The following MELTF variants were observed in gnomAD, a reference collection of about 807,000 sequenced individuals.
MELTF encodes the protein melanotransferrin, also known as antigen p97 (melanoma associated) identified by monoclonal antibodies 133.2 and 96.5.
Under a neutral mutation model 83.7 loss-of-function variants are expected in MELTF, and 67 were observed. The observed-to-expected ratio is 0.80, with a 90% CI of 0.66 to 0.98. MELTF has a LOEUF of 0.98. MELTF is among the 50% of genes least tolerant of loss of function. The pLI is 0.00. For missense variants in MELTF, 1,002 were observed against 1,035.6 expected (o/e 0.97, Z 0.44); for synonymous variants, 462 against 447.6 (o/e 1.03, Z -0.41).
chr3:197,015,063 C>T (rs371529534), intron 9 of MELTF, among the ~76,000 whole-genome samples: 4 of 152,230 alleles, frequency 2.6e-5, no homozygotes, highest in South Asian at 2.1e-4. Context: ...GCTGGGCCAG[C>T]GCTTCTTCTG....
intron 11 of MELTF, 100 bp downstream of exon 11, chr3:197,009,518 G>T: frequency 1.6e-6 from 2 of 1,227,806 alleles, no homozygotes; most frequent in South Asian, 1.5e-5. Flanking sequence ...GCAGAAGCCT[G>T]GCCACCTTCC....
chr3:197,006,406 C>A lies in MELTF; in HGVS notation c.1938+143G>T. The A allele has an allele frequency of 1.4e-6, 1 of 695,580 alleles. No individual in the cohort carries two copies. The highest frequency in any genetic ancestry group is 3.2e-5 in the East Asian group (1 of 31,634). 43.1% of individuals were successfully genotyped at this position (695,580 alleles called of 1,614,324 possible). ...GAGGGGACAGTTTCTGGAGGGATGTCCTTGCGTAAGTGAAAATCACAGAAT... is the reference window on the plus strand; with the variant it reads ...GAGGGGACAGTTTCTGGAGGGATGTACTTGCGTAAGTGAAAATCACAGAAT... On this transcript the variant is annotated intron_variant, in intron 14 of 15. Coordinates refer to ENST00000296350, the MANE Select transcript of MELTF (RefSeq NM_005929.6). This position sits in a 1 kb window ranked among gnomAD's most constrained non-coding sequence, Gnocchi z 5.4.
Position 197,008,357 on chromosome 3 carries a change from T to G in MELTF, c.1750+300A>C, listed in dbSNP as rs997682147. 6.6e-6 allele frequency among the ~76,000 whole-genome samples: 1 copy of G among 152,126 alleles called. No individual in the cohort carries two copies. Among genetic ancestry groups the G allele is most frequent in the Non-Finnish European group, 1.5e-5 (1 of 68,028 alleles). On this transcript the variant is annotated intron_variant, in intron 13 of 15. Coordinates refer to ENST00000296350, the MANE Select transcript of MELTF (RefSeq NM_005929.6). The surrounding 1 kb of genome is among the most constrained non-coding windows in gnomAD (Gnocchi z 5.4). Reference sequence around the variant, plus strand: ...TCACACCTTGGCACTACATCAATACTCCCAGAAGGGGGTCTTTCCAGATTG... The same window carrying G: ...TCACACCTTGGCACTACATCAATACGCCCAGAAGGGGGTCTTTCCAGATTG...
intron 6 of MELTF, chr3:197,019,912 T>G: frequency 7.1e-7 from 1 of 1,400,534 alleles, no homozygotes; most frequent in Non-Finnish European, 9.4e-7. Flanking sequence ...AACGGTGTGT[T>G]TGCTGCTTGC....
chr3:197,016,078 G>A (rs1245200708), intron 8 of MELTF, 111 bp downstream of exon 8: 12 of 949,658 alleles, frequency 1.3e-5, no homozygotes, highest in Admixed American at 3.3e-5. Flanking sequence ...ACAGGTTCCC[G>A]CAGAGGCCTC....
At chr3:197,010,626 G>T in intron 10 of MELTF, 72 bp downstream of exon 10, 1 of 1,310,106 alleles carries the variant, frequency 7.6e-7, no homozygotes, top group Middle Eastern at 1.9e-4. Flanking sequence ...ATGGCTGAGG[G>T]GGGCACTCTT....
At position 197,029,375 on chromosome 3, in the gene MELTF, G is replaced by T; in HGVS notation, c.49+279C>A. The T allele has an allele frequency of 2.8e-6, 1 of 362,084 alleles. No individual in the cohort carries two copies. Among genetic ancestry groups the T allele is most frequent in the Non-Finnish European group, 4.9e-6 (1 of 202,896 alleles). The allele number at this position is 362,084 out of a possible 1,614,324, so 22.4% of individuals were successfully genotyped here. ...CTCCGGGAGCTCCTCTCCACACCCC[G>T]AGGCCTCCCCACCACGCCTCAGCCC... On this transcript the variant is annotated intron_variant, in intron 1 of 15. Coordinates refer to ENST00000296350, the MANE Select transcript of MELTF (RefSeq NM_005929.6). The surrounding 1 kb of genome is among the most constrained non-coding windows in gnomAD (Gnocchi z 6.5).
intron 5 of MELTF, 137 bp from the exon 6 acceptor site, chr3:197,021,608 C>G: frequency 1.3e-6 from 1 of 752,168 alleles, no homozygotes; most frequent in Middle Eastern, 2.3e-4. Flanking sequence ...TGGGTTCCAG[C>G]TCCCTGGCTG....
chr3:197,026,781 C>A, intron 2 of MELTF, 22 bp from the exon 3 acceptor site: 1 of 1,604,784 alleles, frequency 6.2e-7, no homozygotes, highest in Non-Finnish European at 8.5e-7. Flanking sequence ...TGTGGCTCAG[C>A]CAAGCCTGGC....
chr3:197,008,607 G>C lies in MELTF; in HGVS notation c.1750+50C>G. The C allele has an allele frequency of 6.3e-7, 1 of 1,575,896 alleles. No homozygotes were observed. Among genetic ancestry groups the C allele is most frequent in the Non-Finnish European group, 8.7e-7 (1 of 1,154,616 alleles). On this transcript the variant is annotated intron_variant, in intron 13 of 15. Transcript: ENST00000296350. This position sits in a 1 kb window ranked among gnomAD's most constrained non-coding sequence, Gnocchi z 5.4. Reference sequence around the variant, plus strand: ...TGGTGTCTGGATGGTGCTGAAGATGGGGAACAGTCCCCCCGACCTACCTTT... The same window carrying C: ...TGGTGTCTGGATGGTGCTGAAGATGCGGAACAGTCCCCCCGACCTACCTTT...
chr3:197,015,519 G>T lies in MELTF; in HGVS notation c.1082-3C>A. On this transcript the variant is annotated splice_region_variant and splice_polypyrimidine_tract_variant and intron_variant, in intron 8 of 15. Transcript: ENST00000296350. ...CCAGCGCAGGTAGGGGGGCAGCCCT[G>T]GGGTGGGGCAAGCAAGCGGTCACTG... 6.2e-7 allele frequency: 1 copy of T among 1,608,404 alleles called. No individual in the cohort carries two copies.
rs1720018884 is a variant in MELTF, at chr3:197,029,772, G to C, written c.-70C>G. On this transcript the variant is annotated 5_prime_UTR_variant, in exon 1 of 16. Coordinates refer to ENST00000296350, the MANE Select transcript of MELTF (RefSeq NM_005929.6). The surrounding 1 kb of genome is among the most constrained non-coding windows in gnomAD (Gnocchi z 6.5). ...GTCCGAGGAGGTCCGCAGCAGCCGG[G>C]CTTCCTCCCTGCTCCCCCTCGCGCT... 9.4e-7 allele frequency: 1 copy of C among 1,063,996 alleles called. No individual in the cohort carries two copies. Among genetic ancestry groups the C allele is most frequent in the Non-Finnish European group, 1.2e-6 (1 of 835,408 alleles). 65.9% of individuals were successfully genotyped at this position (1,063,996 alleles called of 1,614,324 possible).
At chr3:197,017,837 A>G (rs530185109) in intron 6 of MELTF, among the ~76,000 whole-genome samples, 2 of 152,298 alleles carry the variant, frequency 1.3e-5, no homozygotes, top group Admixed American at 6.5e-5. Flanking sequence ...AGATCACGCC[A>G]CTGCACTCCA....
At chr3:197,004,595 C>T (rs1718911062) in intron 14 of MELTF, 1 of 184,448 alleles carries the variant, frequency 5.4e-6, no homozygotes, top group Non-Finnish European at 1.1e-5. Context: ...ACCCACCCGC[C>T]CAGGGATGCT....
chr3:197,014,591 T>A (rs1446233389), intron 9 of MELTF, among the ~76,000 whole-genome samples: 1 of 152,044 alleles, frequency 6.6e-6, no homozygotes, highest in Non-Finnish European at 1.5e-5. Flanking sequence ...AGTTTCACCA[T>A]GTTGGCCAGG....
At chr3:197,019,193 C>A in intron 6 of MELTF, 1 of 1,002,990 alleles carries the variant, frequency 1.0e-6, no homozygotes. Flanking sequence ...ACCCCCGCTT[C>A]CCAACTTTCC....
intron 1 of MELTF, 69 bp from the exon 2 acceptor site, chr3:197,027,979 C>A: frequency 6.7e-7 from 1 of 1,486,420 alleles, no homozygotes; most frequent in Non-Finnish European, 9.0e-7. Context: ...TGGAGGGTGG[C>A]TCCAGCAGTT....
rs1719193613 is a variant in MELTF at position 197,011,692 on chromosome 3, T to G, written c.1234-898A>C. Among the ~76,000 whole-genome samples, 1 of 152,132 alleles carries G rather than the reference T, an allele frequency of 6.6e-6. No homozygotes were observed. The highest frequency in any genetic ancestry group is 1.5e-5 in the Non-Finnish European group (1 of 67,986). Reference sequence around the variant, plus strand: ...GTGCTGTCGGGCAGGACACAGACCCTGCACCACAGCCCAGGGCGCTTCTGG... The same window carrying G: ...GTGCTGTCGGGCAGGACACAGACCCGGCACCACAGCCCAGGGCGCTTCTGG... On this transcript the variant is annotated intron_variant, in intron 9 of 15. Transcript: ENST00000296350. This position sits in a 1 kb window ranked among gnomAD's most constrained non-coding sequence, Gnocchi z 4.2.
intron 6 of MELTF, chr3:197,019,317 C>G (rs1227685181): frequency 1.8e-6 from 2 of 1,090,514 alleles, no homozygotes; most frequent in Admixed American, 4.6e-5. Flanking sequence ...TCTCCTCAGC[C>G]AAGAACAATG....
Sources: allele counts gnomAD v4.1 joint callset (sites outside exome capture counted in the v4.1 genomes callset), GRCh38; gene constraint gnomAD v4.1.1; non-coding constraint Gnocchi (gnomAD v3.1); transcripts MANE v1.5; gene names NCBI Gene and HGNC (gene_info 2026-07-23, HGNC 2026-07-21).